The following CDH13 variants were observed in gnomAD, a reference collection of about 807,000 sequenced individuals.
CDH13 encodes cadherin 13, also known as cadherin-13.
A neutral mutation model predicts 63.8 loss-of-function variants in CDH13; 24 were observed. The observed-to-expected ratio is 0.38, with a 90% CI of 0.27 to 0.53. The LOEUF is 0.53. Among genes scored for constraint, CDH13 ranks in the 20% least tolerant of loss-of-function variants. The pLI is 0.85. For synonymous variants in CDH13, 503 were observed against 355.3 expected, an observed-to-expected ratio of 1.42 and a Z score of -4.67; for missense variants, 1,049 against 903.1, an observed-to-expected ratio of 1.16 and a Z score of -2.07.
At chr16:83,180,852 GTT>G in intron 4 of CDH13, 2 of 1,227,780 alleles carry the variant, frequency 1.6e-6, no homozygotes, top group Non-Finnish European at 2.2e-6. Flanking sequence ...AACAAAATGT[GTT>G]TTTTTTTTCT....
intron 2 of CDH13, among the ~76,000 whole-genome samples, chr16:82,874,003 CT>C (rs887391208): frequency 6.6e-6 from 1 of 152,000 alleles, no homozygotes; most frequent in African/African-American, 2.4e-5. Context: ...GAAATTAGTA[CT>C]CCCAATTTTA....
intron 2 of CDH13, among the ~76,000 whole-genome samples, chr16:82,928,703 T>C (rs1321263032): frequency 1.3e-5 from 2 of 152,246 alleles, no homozygotes; most frequent in Non-Finnish European, 2.9e-5. Context: ...CAGATTTGAA[T>C]GGATAAACAT....
At chr16:83,489,443 G>A (rs1199212676) in intron 7 of CDH13, among the ~76,000 whole-genome samples, 2 of 152,144 alleles carry the variant, frequency 1.3e-5, no homozygotes, top group African/African-American at 2.4e-5. Flanking sequence ...TGCTGATCCA[G>A]GCAACATCAG....
At chr16:83,252,868 A>G (rs1434488938) in intron 5 of CDH13, among the ~76,000 whole-genome samples, 1 of 152,152 alleles carries the variant, frequency 6.6e-6, no homozygotes, top group Non-Finnish European at 1.5e-5. Flanking sequence ...AGTTAACATC[A>G]TGGGACTCCT....
At chr16:83,452,034 A>T (rs752975942) in intron 6 of CDH13, among the ~76,000 whole-genome samples, 1 of 152,118 alleles carries the variant, frequency 6.6e-6, no homozygotes, top group Non-Finnish European at 1.5e-5. Flanking sequence ...CCTTTGTGCC[A>T]AATTGAGCCT....
At position 83,656,086 on chromosome 16, in the gene CDH13, A is replaced by G. The variant is rs1428880001; in HGVS notation, c.1102-14704A>G. 2.6e-5 allele frequency among the ~76,000 whole-genome samples: 4 copies of G among 152,050 alleles called. No individual in the cohort carries two copies. In the East Asian group the frequency reaches 5.8e-4, roughly 22 times the overall value. On this transcript the variant is annotated intron_variant, in intron 8 of 13. Transcript: ENST00000567109. ...TACACCCATTAAGTGGTCATTCTCC[A>G]TTCCCACCCCTCACACCCAGCCCCT...
chr16:83,230,291 A>C (rs998163239), intron 5 of CDH13, among the ~76,000 whole-genome samples: 7 of 152,226 alleles, frequency 4.6e-5, no homozygotes, highest in Admixed American at 2.6e-4. Flanking sequence ...TCTGCTCCCA[A>C]ATAAAAAGGA....
At chr16:83,749,685 G>A (rs1158530028) in intron 11 of CDH13, among the ~76,000 whole-genome samples, 1 of 152,124 alleles carries the variant, frequency 6.6e-6, no homozygotes. Flanking sequence ...TCTTGTGCTT[G>A]GTCCTGGAGA....
At chr16:83,206,924 A>G (rs2039199926) in intron 4 of CDH13, among the ~76,000 whole-genome samples, 1 of 152,220 alleles carries the variant, frequency 6.6e-6, no homozygotes. Context: ...TTAAACAAAC[A>G]AACACATTAA....
rs368372584 is a variant in CDH13 at position 83,486,451 on chromosome 16, C to T, written c.782-26C>T. 55 of 1,599,456 alleles carry T rather than the reference C, an allele frequency of 3.4e-5. No homozygotes were observed. In the Admixed American group the frequency reaches 5.5e-4, roughly 16 times the overall value. On this transcript the variant is annotated intron_variant, in intron 6 of 13. Coordinates refer to ENST00000567109, the MANE Select transcript of CDH13 (RefSeq NM_001257.5). ...GTTGTTGACCCATTGATAACCATTC[C>T]GTGCCTTTCTGTCTTGCCCCGGTAG...
chr16:83,502,946 G>A (rs1156964868), intron 7 of CDH13, among the ~76,000 whole-genome samples: 3 of 152,198 alleles, frequency 2.0e-5, no homozygotes, highest in Non-Finnish European at 2.9e-5. Flanking sequence ...GTTGGTAAAA[G>A]TGCATGAAAG....
rs16960323 is a variant in CDH13, at chr16:83,379,647, G to T, written c.781+34641G>T. Among the ~76,000 whole-genome samples the T allele has an allele frequency of 6.9e-3, 1,045 of 152,108 alleles. 34 individuals are homozygous for T. The highest frequency in any genetic ancestry group is 0.059 in the Admixed American group (903 of 15,262). ...TATTTGCCAGGCTCCTGGTTTATCA[G>T]TTACACAACAACAGACTTGAAGAAG... On this transcript the variant is annotated intron_variant, in intron 6 of 13. Transcript: ENST00000567109.
At chr16:83,396,700 A>G (rs2091891905) in intron 6 of CDH13, 1 of 152,130 alleles carries the variant, frequency 6.6e-6, no homozygotes, top group African/African-American at 2.4e-5. Flanking sequence ...CAGTAATTGA[A>G]GGAGGAGAAT....
At chr16:83,355,061 T>G (rs1453936451) in intron 6 of CDH13, among the ~76,000 whole-genome samples, 1 of 152,136 alleles carries the variant, frequency 6.6e-6, no homozygotes, top group Non-Finnish European at 1.5e-5. Context: ...TTAAACTTAG[T>G]AGGAAGCCCT....
intron 6 of CDH13, among the ~76,000 whole-genome samples, chr16:83,395,566 A>G (rs1299674763): frequency 2.0e-5 from 3 of 152,038 alleles, no homozygotes; most frequent in East Asian, 1.9e-4. Flanking sequence ...GCTCTCCCCA[A>G]CCCTCCCACA....
At chr16:83,144,671 C>G (rs8062002) in intron 4 of CDH13, among the ~76,000 whole-genome samples, 44,527 of 152,124 alleles carry the variant, frequency 0.29, 7,454 homozygotes, top group African/African-American at 0.46. Flanking sequence ...CCAGCTATCT[C>G]TCTATTTTTT....
chr16:83,370,011 C>G (rs949998962), intron 6 of CDH13, among the ~76,000 whole-genome samples: 1 of 152,240 alleles, frequency 6.6e-6, no homozygotes, highest in Non-Finnish European at 1.5e-5. Context: ...CTGAAACGAT[C>G]TCCTCCACTT....
At chr16:83,183,862 C>G (rs2038425093) in intron 4 of CDH13, among the ~76,000 whole-genome samples, 1 of 152,138 alleles carries the variant, frequency 6.6e-6, no homozygotes, top group African/African-American at 2.4e-5. Context: ...TAAAAATTCA[C>G]TGAGTGAAGC....
chr16:83,254,733 T>G (rs916281544), intron 5 of CDH13, among the ~76,000 whole-genome samples: 3 of 152,220 alleles, frequency 2.0e-5, no homozygotes, highest in African/African-American at 7.2e-5. Flanking sequence ...TCCAGGATTT[T>G]GCTTAGCTTT....
Sources: allele counts gnomAD v4.1 joint callset (sites outside exome capture counted in the v4.1 genomes callset), GRCh38; gene constraint gnomAD v4.1.1; transcripts MANE v1.5; gene names NCBI Gene and HGNC (gene_info 2026-07-23, HGNC 2026-07-21).